TTLL8: variants seen among roughly 807,000 people sequenced by gnomAD.
The protein encoded by TTLL8 is protein monoglycylase TTLL8.
Under a neutral mutation model 77.8 loss-of-function variants are expected in TTLL8, and 65 were observed. That is an observed-to-expected ratio of 0.84 (90% CI 0.68 to 1.03). TTLL8 has a LOEUF of 1.03. Ranked by LOEUF, TTLL8 falls within the 50% of genes least tolerant of loss-of-function variation. TTLL8 has a pLI of 0.00. For missense variants in TTLL8, 910 were observed against 1,004.5 expected, an observed-to-expected ratio of 0.91 and a Z score of 1.27; for synonymous variants, 402 against 422.8, an observed-to-expected ratio of 0.95 and a Z score of 0.60.
intron 12 of TTLL8, among the ~76,000 whole-genome samples, chr22:50,024,302 AT>A (rs926219271): frequency 4.5e-4 from 66 of 148,278 alleles, no homozygotes; most frequent in African/African-American, 1.2e-3. Flanking sequence ...ATGCCTGGCT[AT>A]TTTTTTTTTA....
At chr22:50,023,586 G>A (rs1380148947) in intron 12 of TTLL8, among the ~76,000 whole-genome samples, 2 of 152,190 alleles carry the variant, frequency 1.3e-5, no homozygotes, top group African/African-American at 4.8e-5. Flanking sequence ...TCAGGAGGCT[G>A]AGGCAGGATA....
At chr22:50,055,264 TA>T (rs1243818412), upstream of TTLL8, 8 of 1,290,024 alleles carry the variant, frequency 6.2e-6, no homozygotes, top group East Asian at 4.4e-4. Flanking sequence ...ACTGCCTTGC[TA>T]TTTTGTATCT....
At chr22:50,050,545 A>G (rs891636008) in intron 1 of TTLL8, among the ~76,000 whole-genome samples, 3 of 151,704 alleles carry the variant, frequency 2.0e-5, no homozygotes, top group African/African-American at 4.8e-5. Context: ...GACCACTACT[A>G]CTCCTGCTGC....
intron 3 of TTLL8, among the ~76,000 whole-genome samples, chr22:50,047,572 T>C (rs797008828): frequency 2.0e-5 from 3 of 152,168 alleles, no homozygotes; most frequent in East Asian, 3.8e-4. Flanking sequence ...GCATGGGGTC[T>C]ACGTGGGTGT....
At chr22:50,043,198 GATAGATAA>G (rs1232068778) in intron 6 of TTLL8, among the ~76,000 whole-genome samples, 19 of 149,118 alleles carry the variant, frequency 1.3e-4, no homozygotes, top group Non-Finnish European at 2.4e-4. Context: ...TAGATGGATA[GATAGATAA>G]ACAGTGGTGC....
At chr22:50,027,026 G>A (rs981127850) in intron 12 of TTLL8, among the ~76,000 whole-genome samples, 2 of 152,082 alleles carry the variant, frequency 1.3e-5, no homozygotes, top group Non-Finnish European at 2.9e-5. Flanking sequence ...CTGAGGTCAG[G>A]AGTTCGAGAT....
At chr22:50,047,384 A>C in intron 3 of TTLL8, 88 bp from the exon 6 acceptor site, 5 of 1,155,384 alleles carry the variant, frequency 4.3e-6, no homozygotes, top group East Asian at 4.8e-5. Flanking sequence ...ATCAGAGGAC[A>C]AATGGCGTGC....
In TTLL8 at chr22:50,030,399, C is replaced by T. The variant is rs567333495; in HGVS notation, c.2203+31G>A. On this transcript the variant is annotated intron_variant, in intron 12 of 13. Transcript: ENST00000266182. ...GGGGATGCAGCAGGCGGCCCCCAAG[C>T]CCACAGCGCACCGCCGGCGGCGCAG... The T allele has an allele frequency of 5.2e-4, 676 of 1,289,480 alleles. 9 individuals are homozygous for T. The South Asian group carries it at 8.1e-3, about 15-fold the overall frequency. The allele number at this position is 1,289,480 out of a possible 1,614,324, so 79.9% of individuals were successfully genotyped here.
rs1569221148 is a variant in TTLL8, at chr22:50,028,628, A to ACACACTCGTAAAGACCCCCGT, written c.2203+1801_2203+1802insACGGGGGTCTTTACGAGTGTG. On this transcript the variant is annotated intron_variant, in intron 12 of 13. Transcript: ENST00000266182. ...CCATCACACCGTCCTGAAGACCCCC[A>ACACACTCGTAAAGACCCCCGT]CATACCCTCGTAAAGACCCCATCAC... 7.4e-4 allele frequency among the ~76,000 whole-genome samples: 40 copies of ACACACTCGTAAAGACCCCCGT among 54,154 alleles called. 2 individuals carry two copies. Among genetic ancestry groups the ACACACTCGTAAAGACCCCCGT allele is most frequent in the African/African-American group, 2.2e-3 (39 of 17,480 alleles). The allele number at this position is 54,154 out of a possible 152,430, so 35.5% of individuals were successfully genotyped here.
At chr22:50,043,090 C>G (rs2061381949) in intron 6 of TTLL8, among the ~76,000 whole-genome samples, 1 of 152,176 alleles carries the variant, frequency 6.6e-6, no homozygotes, top group Admixed American at 6.5e-5. Flanking sequence ...GTGACCGAGA[C>G]GTCCTTCGGT....
rs765616502 is a variant in TTLL8, at chr22:50,041,250, C to A, written c.858G>T (p.Leu286Phe). Residue 286 changes from leucine (L) to phenylalanine (F), a missense_variant, in exon 8 of 14, where the codon TTG (leucine) becomes TTT (phenylalanine). Leu to Phe is a conservative substitution (Grantham distance 22). This residue lies in a region of TTLL8 where 776 missense variants were observed against 926.1 expected (regional missense o/e 0.84). Transcript: ENST00000266182. This position sits in a 1 kb window ranked among gnomAD's most constrained non-coding sequence, Gnocchi z 4.3. The stretch of plus-strand genomic sequence containing the variant: ...TAACCTTCTGGATTTTGAAGATGCA[C>A]AAGACAATGCTACTCCCCAAAGGCA... 2.0e-6 allele frequency: 1 copy of A among 498,346 alleles called. No individual in the cohort carries two copies. The highest frequency in any genetic ancestry group is 4.0e-6 in the Non-Finnish European group (1 of 247,780). 30.9% of individuals were successfully genotyped at this position (498,346 alleles called of 1,614,324 possible). A position where few individuals can be genotyped will look rare whatever the true frequency, so the allele number is the denominator to read the frequency against.
At chr22:50,046,714 G>T (rs1169441694) in intron 4 of TTLL8, among the ~76,000 whole-genome samples, 1 of 152,210 alleles carries the variant, frequency 6.6e-6, no homozygotes, top group Non-Finnish European at 1.5e-5. Flanking sequence ...CCTCAGCAGG[G>T]TCCCCACACC....
At chr22:50,056,520 C>G (rs530071465), upstream of TTLL8, among the ~76,000 whole-genome samples, 5 of 152,164 alleles carry the variant, frequency 3.3e-5, no homozygotes, top group African/African-American at 1.2e-4. The surrounding 1 kb of genome is among the most constrained non-coding windows in gnomAD (Gnocchi z 4.1). Context: ...CATTTACCCA[C>G]GCAACGAAGA....
chr22:50,033,052 C>G (rs2061308948), intron 10 of TTLL8, 150 bp downstream of exon 11: 1 of 1,077,330 alleles, frequency 9.3e-7, no homozygotes, highest in African/African-American at 1.6e-5. Flanking sequence ...ATCAGCCTCC[C>G]AAGCCTCAGT....
intron 8 of TTLL8, among the ~76,000 whole-genome samples, chr22:50,038,133 T>G (rs1019984864): frequency 7.9e-5 from 12 of 152,260 alleles, no homozygotes; most frequent in African/African-American, 2.9e-4. Flanking sequence ...TTGATGTTAG[T>G]GTATTGTGTT....
chr22:50,022,227 C>T, intron 12 of TTLL8, among the ~76,000 whole-genome samples: 1 of 147,666 alleles, frequency 6.8e-6, no homozygotes, highest in Admixed American at 6.7e-5. Context: ...ATCTGACATG[C>T]ACTCCTCCTT....
exon 2 of TTLL8, chr22:50,050,215 G>A (rs1880084643): frequency 7.4e-7 from 1 of 1,350,636 alleles, no homozygotes; most frequent in Non-Finnish European, 9.9e-7. Context: ...GGACCACCGG[G>A]TAGTGTCCGT....
chr22:50,041,510 A>G lies in TTLL8; in HGVS notation c.830+111T>C, dbSNP rs1379187557. The G allele has an allele frequency of 8.2e-7, 1 of 1,217,998 alleles. No homozygotes were observed. Among genetic ancestry groups the G allele is most frequent in the Non-Finnish European group, 1.1e-6 (1 of 950,046 alleles). The allele number at this position is 1,217,998 out of a possible 1,614,324, so 75.4% of individuals were successfully genotyped here. ...TCTCAACACTCAATACCCCACAGGT[A>G]GCCTAATGCCCAGACAGGTGACCCA... On this transcript the variant is annotated intron_variant, in intron 7 of 13. Coordinates refer to ENST00000266182, the Ensembl canonical transcript of TTLL8. This position sits in a 1 kb window ranked among gnomAD's most constrained non-coding sequence, Gnocchi z 4.3.
rs927626782 is a variant in TTLL8, at chr22:50,019,721, G to A, written c.2204-3159C>T. On this transcript the variant is annotated intron_variant, in intron 12 of 13. Coordinates refer to ENST00000266182, the Ensembl canonical transcript of TTLL8. The stretch of plus-strand genomic sequence containing the variant: ...AGCATCCCTGAAGCAGCACCATGCC[G>A]AGGAGCCCTTCTCGGACTCCTGAGC... 7.2e-5 allele frequency among the ~76,000 whole-genome samples: 11 copies of A among 152,218 alleles called. 1 individual carries two copies. The South Asian group carries it at 1.2e-3, about 17-fold the overall frequency.
Sources: gnomAD v4.1 joint callset for allele counts (sites outside exome capture counted in the v4.1 genomes callset) on GRCh38, gnomAD v4.1.1 for gene constraint, gnomAD v4.1.1 regional missense constraint, Gnocchi (gnomAD v3.1) non-coding constraint, MANE v1.5 for transcripts, NCBI Gene and HGNC (gene_info 2026-07-23, HGNC 2026-07-21) for gene names.